The following C1QTNF7 variants were observed in gnomAD, a reference collection of about 807,000 sequenced individuals.
The protein encoded by C1QTNF7 is complement C1q tumor necrosis factor-related protein 7.
Under a neutral mutation model 19.6 loss-of-function variants are expected in C1QTNF7, and 15 were observed. That is an observed-to-expected ratio of 0.76 (90% CI 0.51 to 1.18). The LOEUF (loss-of-function observed/expected upper bound fraction) is 1.18. Ranked by LOEUF, C1QTNF7 falls within the 50% of genes most tolerant of loss-of-function variation. The pLI, the probability that C1QTNF7 is intolerant of heterozygous loss-of-function variation, is 0.00. For synonymous variants in C1QTNF7, 142 were observed against 137.5 expected, an observed-to-expected ratio of 1.03 and a Z score of -0.23; for missense variants, 324 against 359.7, an observed-to-expected ratio of 0.90 and a Z score of 0.80.
At chr4:15,411,862 A>C (rs1332027294) in intron 1 of C1QTNF7, among the ~76,000 whole-genome samples, 1 of 152,002 alleles carries the variant, frequency 6.6e-6, no homozygotes, top group Non-Finnish European at 1.5e-5. Context: ...TATCTTCTAG[A>C]GCAGGAGTCC....
intron 1 of C1QTNF7, among the ~76,000 whole-genome samples, chr4:15,360,772 G>C (rs1324757684): frequency 6.6e-6 from 1 of 152,098 alleles, no homozygotes; most frequent in East Asian, 1.9e-4. Context: ...GGTTTGACTG[G>C]GGGCTTGCAA....
rs187696728 is a variant in C1QTNF7 at position 15,359,750 on chromosome 4, T to A, written c.13+19543T>A. On this transcript the variant is annotated intron_variant, in intron 1 of 2. Transcript: ENST00000295297. Reference sequence around the variant, plus strand: ...CTGGAGTTTTCAACTCCTTGAGAACTCTTGATGACCAGTCTACCCCCAGAT... The same window carrying A: ...CTGGAGTTTTCAACTCCTTGAGAACACTTGATGACCAGTCTACCCCCAGAT... 2.6e-3 allele frequency among the ~76,000 whole-genome samples: 390 copies of A among 152,270 alleles called. 3 individuals carry two copies. The highest frequency in any genetic ancestry group is 8.5e-3 in the African/African-American group (355 of 41,560).
chr4:15,382,968 C>T (rs954788270), intron 1 of C1QTNF7, among the ~76,000 whole-genome samples: 2 of 152,170 alleles, frequency 1.3e-5, no homozygotes, highest in Non-Finnish European at 2.9e-5. Flanking sequence ...GTGATCAAAA[C>T]AGACAAAAAT....
chr4:15,377,319 C>T (rs1461863856), intron 1 of C1QTNF7, among the ~76,000 whole-genome samples: 1 of 152,092 alleles, frequency 6.6e-6, no homozygotes, highest in Non-Finnish European at 1.5e-5. Flanking sequence ...GTTGATACCC[C>T]CGTGCTTTCT....
At chr4:15,368,453 A>G (rs930084188) in intron 1 of C1QTNF7, among the ~76,000 whole-genome samples, 20 of 151,286 alleles carry the variant, frequency 1.3e-4, no homozygotes, top group African/African-American at 4.4e-4. Flanking sequence ...CCCCAACCCC[A>G]TGACAGGCCC....
chr4:15,376,732 T>A (rs1242741051), intron 1 of C1QTNF7, among the ~76,000 whole-genome samples: 1 of 152,216 alleles, frequency 6.6e-6, no homozygotes, highest in Non-Finnish European at 1.5e-5. Context: ...CCTCCTGCCC[T>A]TTTGTTGTTG....
At chr4:15,393,806 T>A (rs545393212) in intron 1 of C1QTNF7, among the ~76,000 whole-genome samples, 1 of 152,298 alleles carries the variant, frequency 6.6e-6, no homozygotes, top group African/African-American at 2.4e-5. Flanking sequence ...TTCACATGTT[T>A]GTTGAGGCCT....
At position 15,385,802 on chromosome 4, in the gene C1QTNF7, C is replaced by A. The variant is rs192081752; in HGVS notation, c.13+45595C>A. On this transcript the variant is annotated intron_variant, in intron 1 of 2. Transcript: ENST00000295297. ...GCTGGGCAATTTCAACAAGAGCGGGCTCGCTTGGTGAAGAATTCACAGGTA... is the reference window on the plus strand; with the variant it reads ...GCTGGGCAATTTCAACAAGAGCGGGATCGCTTGGTGAAGAATTCACAGGTA... Among the ~76,000 whole-genome samples, 695 of 152,310 alleles carry A rather than the reference C, an allele frequency of 4.6e-3. 7 individuals are homozygous for A. The highest frequency in any genetic ancestry group is 0.016 in the African/African-American group (673 of 41,562).
intron 1 of C1QTNF7, among the ~76,000 whole-genome samples, chr4:15,433,443 G>T (rs1390712707): frequency 6.6e-6 from 1 of 152,006 alleles, no homozygotes; most frequent in African/African-American, 2.4e-5. Flanking sequence ...ACTTGAACAC[G>T]TTCCCTCCCA....
chr4:15,392,783 A>G (rs1718618338), intron 1 of C1QTNF7, among the ~76,000 whole-genome samples: 1 of 152,258 alleles, frequency 6.6e-6, no homozygotes, highest in Admixed American at 6.5e-5. Flanking sequence ...GAAAGGGGCA[A>G]CATGGGATTT....
chr4:15,374,917 C>G lies in C1QTNF7; in HGVS notation c.13+34710C>G, dbSNP rs149031237. The stretch of plus-strand genomic sequence containing the variant: ...GGGTGTTTACCGACTGGGGCTTAGT[C>G]AATAACACAACTCCTCTGGGGGTTG... On this transcript the variant is annotated intron_variant, in intron 1 of 2. Transcript: ENST00000295297. 3.1e-3 allele frequency: 892 copies of G among 284,456 alleles called. 6 individuals are homozygous for G. Among genetic ancestry groups the G allele is most frequent in the African/African-American group, 0.02 (862 of 42,720 alleles). The allele number at this position is 284,456 out of a possible 1,614,324, so 17.6% of individuals were successfully genotyped here.
At chr4:15,425,485 G>A (rs977437100), upstream of C1QTNF7, among the ~76,000 whole-genome samples, 3 of 152,186 alleles carry the variant, frequency 2.0e-5, no homozygotes, top group African/African-American at 4.8e-5. Flanking sequence ...TATAAGCAAG[G>A]CACTGAGGTT....
chr4:15,340,769 ATAT>A (rs1452049863), intron 1 of C1QTNF7, among the ~76,000 whole-genome samples: 10 of 152,164 alleles, frequency 6.6e-5, no homozygotes, highest in African/African-American at 9.7e-5. Context: ...GATGTTACAG[ATAT>A]TATATATCCT....
intron 1 of C1QTNF7, among the ~76,000 whole-genome samples, chr4:15,361,996 G>A (rs1209784225): frequency 3.9e-5 from 6 of 152,248 alleles, no homozygotes; most frequent in South Asian, 2.1e-4. Flanking sequence ...AAAGAGCATC[G>A]TGGTGAACTG....
intron 1 of C1QTNF7, among the ~76,000 whole-genome samples, chr4:15,412,172 G>C (rs2108917378): frequency 6.6e-6 from 1 of 152,318 alleles, no homozygotes; most frequent in Middle Eastern, 3.4e-3. Context: ...GGATGGTCTA[G>C]TAGCAGGAAA....
chr4:15,435,990 T>C lies in C1QTNF7; in HGVS notation c.238+9T>C, dbSNP rs373351152. Reference sequence around the variant, plus strand: ...TGAAAAGGGAACTGCAGGTAATGAATGAGAAGTTGCATAAAACACCCTCCT... The same window carrying C: ...TGAAAAGGGAACTGCAGGTAATGAACGAGAAGTTGCATAAAACACCCTCCT... On this transcript the variant is annotated intron_variant, in intron 2 of 2. Coordinates refer to ENST00000444304, the MANE Select transcript of C1QTNF7 (RefSeq NM_031911.5). 1.9e-6 allele frequency: 3 copies of C among 1,609,286 alleles called. No homozygotes were observed. The highest frequency in any genetic ancestry group is 2.5e-6 in the Non-Finnish European group (3 of 1,177,910).
At chr4:15,408,148 C>T (rs1719262845) in intron 1 of C1QTNF7, among the ~76,000 whole-genome samples, 1 of 151,806 alleles carries the variant, frequency 6.6e-6, no homozygotes, top group Non-Finnish European at 1.5e-5. Flanking sequence ...TGGCGCACGC[C>T]TGTAGTCCCA....
chr4:15,353,185 T>C (rs1716993776), intron 1 of C1QTNF7, among the ~76,000 whole-genome samples: 2 of 152,180 alleles, frequency 1.3e-5, no homozygotes, highest in Non-Finnish European at 2.9e-5. Context: ...ATCTTGGAAA[T>C]TGCTGGTGCA....
chr4:15,401,460 C>G (rs886340019), intron 1 of C1QTNF7, among the ~76,000 whole-genome samples: 3 of 152,108 alleles, frequency 2.0e-5, no homozygotes, highest in Admixed American at 2.0e-4. Flanking sequence ...CTGTTGTTGG[C>G]CAAATAGCTG....
Sources: gnomAD v4.1 joint callset for allele counts (sites outside exome capture counted in the v4.1 genomes callset) on GRCh38, gnomAD v4.1.1 for gene constraint, MANE v1.5 for transcripts, NCBI Gene and HGNC (gene_info 2026-07-23, HGNC 2026-07-21) for gene names.